Variants in USH2A observed in about 807,000 individuals in gnomAD.
USH2A encodes usherin, also known as Usher syndrome 2A (autosomal recessive, mild).
USH2A carries 443 observed loss-of-function variants against 538.9 expected under a neutral mutation model. The observed-to-expected ratio is 0.82, with a 90% confidence interval of 0.76 to 0.89. USH2A has a LOEUF of 0.89. Ranked by LOEUF, USH2A falls within the 40% of genes least tolerant of loss-of-function variation. USH2A has a pLI of 0.00. For missense variants in USH2A, 6,633 were observed against 6,324.8 expected, an observed-to-expected ratio of 1.05 and a Z score of -1.65; for synonymous variants, 2,413 against 2,273.5, an observed-to-expected ratio of 1.06 and a Z score of -1.75.
chr1:216,116,274 ATTTAT>A (rs2033006813), intron 21 of USH2A, among the ~76,000 whole-genome samples: 1 of 152,116 alleles, frequency 6.6e-6, no homozygotes. Flanking sequence ...TAAAATTTAT[ATTTAT>A]TTTGATAAAA....
chr1:215,645,701 G>A (rs1333542171), intron 67 of USH2A, among the ~76,000 whole-genome samples: 1 of 152,058 alleles, frequency 6.6e-6, no homozygotes, highest in African/African-American at 2.4e-5. Context: ...TTTAAAATTG[G>A]CATCATATTC....
At chr1:216,275,321 A>T (rs1402904237) in intron 11 of USH2A, among the ~76,000 whole-genome samples, 1 of 152,124 alleles carries the variant, frequency 6.6e-6, no homozygotes, top group Non-Finnish European at 1.5e-5. Flanking sequence ...TTAATATAGT[A>T]GTTATTAATA....
At chr1:215,647,076 C>G (rs1656878105) in intron 67 of USH2A, among the ~76,000 whole-genome samples, 1 of 152,134 alleles carries the variant, frequency 6.6e-6, no homozygotes, top group Non-Finnish European at 1.5e-5. Context: ...TGTAAGGAAG[C>G]CCCCAATTAA....
chr1:216,072,845 G>A, intron 29 of USH2A, 44 bp downstream of exon 29: 1 of 1,500,880 alleles, frequency 6.7e-7, no homozygotes, highest in South Asian at 1.1e-5. Flanking sequence ...ACAAATACAT[G>A]CATGTGTGTG....
At chr1:215,630,687 TAC>T (rs1656254653) in intron 70 of USH2A, among the ~76,000 whole-genome samples, 1 of 151,114 alleles carries the variant, frequency 6.6e-6, no homozygotes, top group Non-Finnish European at 1.5e-5. Flanking sequence ...ACCCCGTCTC[TAC>T]TAAAAATACA....
intron 50 of USH2A, among the ~76,000 whole-genome samples, chr1:215,792,832 A>G (rs1180277546): frequency 4.6e-5 from 7 of 152,226 alleles, no homozygotes; most frequent in African/African-American, 1.4e-4. Context: ...ATGCCCAAAG[A>G]AAAACAAAAT....
At chr1:216,314,989 G>C (rs1051393443) in intron 9 of USH2A, among the ~76,000 whole-genome samples, 1 of 152,096 alleles carries the variant, frequency 6.6e-6, no homozygotes, top group Non-Finnish European at 1.5e-5. Context: ...GGTAAATGTA[G>C]TTATTAAAGG....
chr1:216,086,855 A>G (rs1357838087), intron 23 of USH2A, 35 bp from the exon 24 acceptor site: 1 of 1,504,084 alleles, frequency 6.6e-7, no homozygotes. Context: ...CACCTTCACC[A>G]GGATACTCTA....
chr1:216,325,910 G>A (rs180813736), intron 5 of USH2A, among the ~76,000 whole-genome samples: 18 of 152,220 alleles, frequency 1.2e-4, no homozygotes, highest in African/African-American at 4.1e-4. Flanking sequence ...GTGTCTATTT[G>A]TGATAATATA....
chr1:216,065,157 T>C (rs1040288573), intron 30 of USH2A, among the ~76,000 whole-genome samples: 1 of 152,192 alleles, frequency 6.6e-6, no homozygotes, highest in African/African-American at 2.4e-5. Flanking sequence ...GCCTTTTGAG[T>C]AACATCCAGT....
At chr1:216,140,050 T>C (rs1381000578) in intron 21 of USH2A, among the ~76,000 whole-genome samples, 1 of 152,234 alleles carries the variant, frequency 6.6e-6, no homozygotes, top group Non-Finnish European at 1.5e-5. Flanking sequence ...TCTAAATATG[T>C]TTAAAATAAA....
At chr1:215,703,624 C>A (rs993646579) in intron 61 of USH2A, among the ~76,000 whole-genome samples, 1 of 152,074 alleles carries the variant, frequency 6.6e-6, no homozygotes, top group African/African-American at 2.4e-5. Flanking sequence ...AGGGGAAAAC[C>A]ACCTACTCAA....
At chr1:215,967,429 C>T (rs1667375698) in intron 36 of USH2A, among the ~76,000 whole-genome samples, 2 of 152,122 alleles carry the variant, frequency 1.3e-5, no homozygotes, top group African/African-American at 4.8e-5. Flanking sequence ...GACCTCCCAA[C>T]ATGCTGGGAT....
chr1:215,823,335 T>C (rs1400271912), intron 47 of USH2A, among the ~76,000 whole-genome samples: 3 of 152,190 alleles, frequency 2.0e-5, no homozygotes, highest in Admixed American at 6.6e-5. Flanking sequence ...ATTTGTTTTT[T>C]TATTTCAGCA....
At chr1:216,219,831 T>G (rs1323848565) in intron 14 of USH2A, among the ~76,000 whole-genome samples, 1 of 152,152 alleles carries the variant, frequency 6.6e-6, no homozygotes, top group Non-Finnish European at 1.5e-5. Context: ...AGATAAACAA[T>G]TTGTGATGTT....
At chr1:215,917,615 T>A (rs1315690859) in intron 38 of USH2A, among the ~76,000 whole-genome samples, 2 of 151,706 alleles carry the variant, frequency 1.3e-5, no homozygotes, top group Non-Finnish European at 2.9e-5. Flanking sequence ...AAATTATCCC[T>A]TGTTGAATGT....
chr1:216,290,327 TATA>T (rs1176976144), intron 10 of USH2A, among the ~76,000 whole-genome samples: 1 of 152,172 alleles, frequency 6.6e-6, no homozygotes, highest in Non-Finnish European at 1.5e-5. Context: ...TAAATTGATT[TATA>T]ATATTTCTAG....
chr1:215,628,901 G>A lies in USH2A; in HGVS notation c.15432C>T (p.Ser5144=), dbSNP rs145362017. 45 of 1,614,142 alleles carry A rather than the reference G, an allele frequency of 2.8e-5. No individual in the cohort carries two copies. The highest frequency in any genetic ancestry group is 6.7e-5 in the African/African-American group (5 of 75,042). ...LTYSQGSLHR[S]VSQLMDIQDK... ...CTTGAATGTCCATGAGCTGGCTGAC[G>A]CTGCGGTGAAGAGAACCCTGGGAGT... The change falls in exon 71 of 72, where the codon AGC becomes AGT. Residue 5144 remains serine (S), a synonymous_variant. Coordinates refer to ENST00000307340, the MANE Select transcript of USH2A (RefSeq NM_206933.4).
At position 215,628,986 on chromosome 1, in the gene USH2A, C is replaced by T. The variant is rs750077445; in HGVS notation, c.15347G>A (p.Arg5116His). The change falls in exon 71 of 72, where the codon CGC becomes CAC. Residue 5116 changes from arginine (R) to histidine (H), a missense_variant. Coordinates refer to ENST00000307340, the MANE Select transcript of USH2A (RefSeq NM_206933.4). The part of the protein sequence containing the change: ...IPRSGTPVSI[R>H]SNRSACVLRI... ...CAGGACACATGCACTCCGGTTGCTG[C>T]GGATACTCACAGGTGTCCCAGACCG... 7.4e-6 allele frequency: 12 copies of T among 1,613,700 alleles called. No individual in the cohort carries two copies. The highest frequency in any genetic ancestry group is 1.7e-5 in the Admixed American group (1 of 59,990).
Sources: gnomAD v4.1 joint callset for allele counts (sites outside exome capture counted in the v4.1 genomes callset) on GRCh38, gnomAD v4.1.1 for gene constraint, MANE v1.5 for transcripts, NCBI Gene and HGNC (gene_info 2026-07-23, HGNC 2026-07-21) for gene names.